ST3GAL3: variants seen among roughly 807,000 people sequenced by gnomAD.
ST3GAL3 encodes the protein ST3 beta-galactoside alpha-2,3-sialyltransferase 3.
ST3GAL3 carries 21 observed loss-of-function variants against 50.1 expected under a neutral mutation model. That is an observed-to-expected ratio of 0.42 (90% CI 0.30 to 0.60). ST3GAL3 has a LOEUF of 0.60. Ranked by LOEUF, ST3GAL3 falls within the 20% of genes least tolerant of loss-of-function variation. The probability of loss-of-function intolerance (pLI) is 0.19; values close to 1 mark genes in which losing one functional copy is unlikely to be tolerated. For synonymous variants in ST3GAL3, 183 were observed against 190.0 expected, an observed-to-expected ratio of 0.96 and a Z score of 0.30; for missense variants, 353 against 489.4, an observed-to-expected ratio of 0.72 and a Z score of 2.63.
intron 1 of ST3GAL3, among the ~76,000 whole-genome samples, chr1:43,716,251 A>G (rs1324149086): frequency 1.3e-5 from 2 of 152,226 alleles, no homozygotes; most frequent in Non-Finnish European, 2.9e-5. Context: ...GCTAGGTGCC[A>G]TACTGTTTAC....
intron 2 of ST3GAL3, chr1:43,772,187 T>C: frequency 5.1e-6 from 2 of 394,062 alleles, no homozygotes; most frequent in Non-Finnish European, 4.5e-6. Context: ...GTAGCTGGGA[T>C]TACAGGCATG....
In ST3GAL3 at chr1:43,930,180, G is replaced by C; in HGVS notation, c.1087G>C (p.Val363Leu). The C allele has an allele frequency of 1.2e-6, 2 of 1,614,074 alleles. No homozygotes were observed. The highest frequency in any genetic ancestry group is 1.7e-6 in the Non-Finnish European group (2 of 1,180,046). Residue 363 changes from valine to leucine, a missense_variant, in exon 12 of 12, where the codon GTG becomes CTG. Physicochemically the swap from Val to Leu is conservative, Grantham distance 32. Transcript: ENST00000347631. ...AGAGAAAGAGTTTCTGCGGAAGCTG[G>C]TGAAAGCTCGCGTCATCACTGATCT... ...QREKEFLRKL[V>L]KARVITDLSS...
chr1:43,746,015 T>C (rs1683469691), intron 2 of ST3GAL3, among the ~76,000 whole-genome samples: 1 of 152,262 alleles, frequency 6.6e-6, no homozygotes, highest in Non-Finnish European at 1.5e-5. Context: ...CACTCTATGA[T>C]ATTTGCACAA....
At chr1:43,843,083 T>G (rs2065676600) in intron 5 of ST3GAL3, among the ~76,000 whole-genome samples, 1 of 152,390 alleles carries the variant, frequency 6.6e-6, no homozygotes, top group African/African-American at 2.4e-5. Context: ...TCCTTTTTCT[T>G]GCCTTACTGC....
chr1:43,789,510 T>C (rs537175670), intron 2 of ST3GAL3, among the ~76,000 whole-genome samples: 3 of 152,264 alleles, frequency 2.0e-5, no homozygotes, highest in South Asian at 4.2e-4. Flanking sequence ...AAAGCTGTTT[T>C]TAAAAGCAGG....
intron 2 of ST3GAL3, among the ~76,000 whole-genome samples, chr1:43,774,918 C>T (rs956239879): frequency 2.6e-5 from 4 of 152,158 alleles, no homozygotes; most frequent in Non-Finnish European, 5.9e-5. Context: ...GGTAAACCTT[C>T]AGTTACATCC....
At chr1:43,728,365 AC>A (rs1473747965) in intron 1 of ST3GAL3, among the ~76,000 whole-genome samples, 4 of 151,986 alleles carry the variant, frequency 2.6e-5, no homozygotes, top group Non-Finnish European at 5.9e-5. Flanking sequence ...AAACAAAAAC[AC>A]CATCAAAATC....
chr1:43,921,715 T>G, intron 11 of ST3GAL3: 1 of 398,738 alleles, frequency 2.5e-6, no homozygotes, highest in South Asian at 1.3e-4. Flanking sequence ...ATCATCCCCC[T>G]CCACTATTCC....
chr1:43,909,668 G>A (rs1217497480), intron 9 of ST3GAL3, among the ~76,000 whole-genome samples: 1 of 152,172 alleles, frequency 6.6e-6, no homozygotes, highest in East Asian at 1.9e-4. Context: ...CAAGACACAA[G>A]TGCTAGAAGA....
intron 11 of ST3GAL3, 64 bp downstream of exon 11, chr1:43,920,992 G>A (rs865952942): frequency 6.5e-7 from 1 of 1,538,622 alleles, no homozygotes; most frequent in Non-Finnish European, 8.8e-7. Flanking sequence ...TAAATGAGTA[G>A]TAAAGGGAGG....
At chr1:43,878,901 A>G (rs1459718380) in intron 5 of ST3GAL3, 6 of 395,262 alleles carry the variant, frequency 1.5e-5, no homozygotes, top group Non-Finnish European at 3.0e-5. Flanking sequence ...GGGGCATGAC[A>G]GTGAACAGAA....
intron 5 of ST3GAL3, among the ~76,000 whole-genome samples, chr1:43,891,211 C>A (rs1232062039): frequency 1.3e-5 from 2 of 152,196 alleles, no homozygotes; most frequent in African/African-American, 2.4e-5. Flanking sequence ...AGGATGTGTG[C>A]AGAAGATTCA....
intron 4 of ST3GAL3, among the ~76,000 whole-genome samples, chr1:43,833,049 C>T (rs1051960424): frequency 6.6e-6 from 1 of 152,198 alleles, no homozygotes; most frequent in Non-Finnish European, 1.5e-5. Flanking sequence ...TAAATTAGCA[C>T]ATGAAACGAG....
At chr1:43,908,197 C>T (rs2080147113) in intron 9 of ST3GAL3, among the ~76,000 whole-genome samples, 1 of 152,192 alleles carries the variant, frequency 6.6e-6, no homozygotes, top group South Asian at 2.1e-4. Flanking sequence ...CTTTCATTCT[C>T]CCTTCTAAAT....
chr1:43,720,735 G>C (rs182978444), intron 1 of ST3GAL3, among the ~76,000 whole-genome samples: 1 of 152,190 alleles, frequency 6.6e-6, no homozygotes, highest in East Asian at 1.9e-4. Context: ...ATGCTTTTTT[G>C]GGGGACATGT....
At chr1:43,729,257 C>T (rs995342730) in intron 1 of ST3GAL3, among the ~76,000 whole-genome samples, 6 of 151,720 alleles carry the variant, frequency 4.0e-5, no homozygotes, top group African/African-American at 9.7e-5. Flanking sequence ...GCCCAGCTAT[C>T]GAGACAATTT....
At chr1:43,927,118 T>C (rs922297582) in intron 11 of ST3GAL3, among the ~76,000 whole-genome samples, 9 of 152,166 alleles carry the variant, frequency 5.9e-5, no homozygotes, top group African/African-American at 2.2e-4. Flanking sequence ...TCACCTGAGG[T>C]CGGGAGTTCG....
intron 9 of ST3GAL3, among the ~76,000 whole-genome samples, chr1:43,911,562 C>CATATCTGTAGCTATAGATATCTAGAGAT (rs2080856038): frequency 9.2e-6 from 1 of 108,306 alleles, no homozygotes; most frequent in Non-Finnish European, 2.0e-5. Flanking sequence ...TATCTATAGA[C>CATATCTGTAGCTATAGATATCTAGAGAT]ATATCTGTAG....
intron 2 of ST3GAL3, chr1:43,772,295 G>A (rs916215241): frequency 6.1e-6 from 2 of 325,822 alleles, no homozygotes; most frequent in Non-Finnish European, 5.5e-6. Flanking sequence ...TGATCCGCCC[G>A]CCTCAGCCTC....
Sources: allele counts gnomAD v4.1 joint callset (sites outside exome capture counted in the v4.1 genomes callset), GRCh38; gene constraint gnomAD v4.1.1; transcripts MANE v1.5; gene names NCBI Gene and HGNC (gene_info 2026-07-23, HGNC 2026-07-21).